Variants in S100PBP observed in about 807,000 individuals in gnomAD.
S100PBP encodes S100P binding protein, also known as S100P-binding protein.
In S100PBP, 15 loss-of-function variants were observed where a neutral mutation model predicts 39.9. The ratio of observed to expected loss-of-function variants is 0.38; its 90% confidence interval spans 0.25 to 0.58. S100PBP has a LOEUF of 0.58. S100PBP is among the 20% of genes least tolerant of loss of function. The pLI is 0.70. For missense variants in S100PBP, 504 were observed against 487.3 expected (o/e 1.03, Z -0.32); for synonymous variants, 178 against 180.3 (o/e 0.99, Z 0.10).
At chr1:32,829,541 C>G (rs1177636145) in intron 4 of S100PBP, among the ~76,000 whole-genome samples, 3 of 152,176 alleles carry the variant, frequency 2.0e-5, no homozygotes, top group Non-Finnish European at 4.4e-5. Context: ...TAGCTCACAG[C>G]AGCCTTGAAC....
chr1:32,831,844 G>C (rs1212545475), intron 5 of S100PBP, among the ~76,000 whole-genome samples: 1 of 152,062 alleles, frequency 6.6e-6, no homozygotes, highest in African/African-American at 2.4e-5. Context: ...AGTTGACACT[G>C]ATGATATCCA....
Position 32,826,240 on chromosome 1 carries a change from T to G in S100PBP, c.141T>G (p.Asp47Glu). ...TGGAGCTGTCAGAGGGAGAAGAAGA[T>G]GATGGTGATGTAAATTACACAGAGG... ...SLLELSEGEE[D>E]DGDVNYTEEE... Residue 47 changes from aspartate (D) to glutamate (E), a missense_variant, in exon 3 of 7, where the codon GAT (aspartate) becomes GAG (glutamate). Asp to Glu is a conservative substitution (Grantham distance 45). Transcript: ENST00000373475. 6.2e-7 allele frequency: 1 copy of G among 1,614,096 alleles called. No individual in the cohort carries two copies. Among genetic ancestry groups the G allele is most frequent in the Non-Finnish European group, 8.5e-7 (1 of 1,180,014 alleles).
chr1:32,835,802 T>A (rs1639792708), intron 5 of S100PBP: 1 of 152,142 alleles, frequency 6.6e-6, no homozygotes, highest in African/African-American at 2.4e-5. Context: ...CCTTCCTTTT[T>A]AAGGCTGAAT....
Position 32,826,841 on chromosome 1 carries a change from C to T in S100PBP, c.742C>T (p.Pro248Ser), listed in dbSNP as rs146571632. Residue 248 changes from proline to serine, a missense_variant, in exon 3 of 7, where the codon CCT becomes TCT. By Grantham distance (74) the Pro-to-Ser change is moderately conservative. Transcript: ENST00000373475. The part of the protein sequence containing the change: ...FSRISDHSET[P>S]NMELSCRNGG... The stretch of plus-strand genomic sequence containing the variant: ...TCGGATCTCAGACCATTCAGAGACT[C>T]CTAATATGGAGTTATCCTGCAGAAA... 147 of 1,613,802 alleles carry T rather than the reference C, an allele frequency of 9.1e-5. 2 individuals are homozygous for T. In the Admixed American group the frequency reaches 9.7e-4, roughly 11 times the overall value.
intron 5 of S100PBP, among the ~76,000 whole-genome samples, chr1:32,851,548 C>T (rs1557515052): frequency 6.6e-6 from 1 of 152,062 alleles, no homozygotes. Context: ...CGCCTGTAAT[C>T]CCAGCTACTT....
At position 32,856,277 on chromosome 1, in the gene S100PBP, G is replaced by GT. The variant is rs907888071; in HGVS notation, c.*248dup. 367 of 225,190 alleles carry GT rather than the reference G, an allele frequency of 1.6e-3. No individual in the cohort carries two copies. Among genetic ancestry groups the GT allele is most frequent in the South Asian group, 3.5e-3 (44 of 12,504 alleles). The allele number at this position is 225,190 out of a possible 1,614,324, so 13.9% of individuals were successfully genotyped here. A position where few individuals can be genotyped will look rare whatever the true frequency, so the allele number is the denominator to read the frequency against. On this transcript the variant is annotated 3_prime_UTR_variant, in exon 7 of 7. Transcript: ENST00000373475. ...TTTAAGCAAGCGTTCGGTTGGTATA[G>GT]TTTTTTTTTGTTTTTTTAATTTAAA...
chr1:32,854,180 G>T (rs1419010090), intron 6 of S100PBP, among the ~76,000 whole-genome samples: 1 of 152,068 alleles, frequency 6.6e-6, no homozygotes, highest in African/African-American at 2.4e-5. Flanking sequence ...CATAGGTTCT[G>T]CATATACAGT....
intron 5 of S100PBP, 24 bp downstream of exon 5, chr1:32,830,091 C>A (rs1326332568): frequency 1.5e-6 from 2 of 1,369,340 alleles, no homozygotes; most frequent in Non-Finnish European, 2.1e-6. Flanking sequence ...CAGAGAAAGG[C>A]ATATAAAACA....
chr1:32,817,696 A>G lies in S100PBP; in HGVS notation c.-120+7A>G. ...TTTGGCCCGGCTTCCGGAGGTGAAG[A>G]GCGGGAGGGACGAGGGGGTCGGCGT... is the stretch of plus-strand genomic sequence containing the variant. On this transcript the variant is annotated splice_region_variant and intron_variant, in intron 1 of 6. Transcript: ENST00000373475. 1 of 208,776 alleles carries G rather than the reference A, an allele frequency of 4.8e-6. No homozygotes were observed. The highest frequency in any genetic ancestry group is 1.0e-5 in the Non-Finnish European group (1 of 100,086). The allele number at this position is 208,776 out of a possible 1,614,324, so 12.9% of individuals were successfully genotyped here. A position where few individuals can be genotyped will look rare whatever the true frequency, so the allele number is the denominator to read the frequency against.
rs542081266 is a variant in S100PBP, at chr1:32,826,332, G to T, written c.233G>T (p.Gly78Val). 5.0e-6 allele frequency: 8 copies of T among 1,613,984 alleles called. No homozygotes were observed. Among genetic ancestry groups the T allele is most frequent in the Non-Finnish European group, 6.8e-6 (8 of 1,180,012 alleles). ...SYEQSSGEDD[G>V]GHVEKGERGS... ...GAGCAGTCTTCTGGGGAAGATGATG[G>T]TGGGCATGTTGAGAAGGGAGAAAGA... Residue 78 changes from glycine (G) to valine (V), a missense_variant, in exon 3 of 7, where the codon GGT (glycine) becomes GTT (valine). Coordinates refer to ENST00000373475, the MANE Select transcript of S100PBP (RefSeq NM_022753.4).
At chr1:32,852,795 C>T in intron 5 of S100PBP, 2 of 311,982 alleles carry the variant, frequency 6.4e-6, no homozygotes, top group Non-Finnish European at 1.2e-5. Context: ...GAGGTAGTGT[C>T]TTGTTCACTG....
At chr1:32,818,119 G>A (rs1336390248) in intron 1 of S100PBP, 2 of 152,730 alleles carry the variant, frequency 1.3e-5, no homozygotes, top group Non-Finnish European at 2.9e-5. Context: ...GAGATCTGAG[G>A]ACGGTGGTCC....
intron 1 of S100PBP, among the ~76,000 whole-genome samples, chr1:32,822,723 G>C (rs1007593573): frequency 2.0e-5 from 3 of 151,790 alleles, no homozygotes; most frequent in Admixed American, 2.0e-4. Flanking sequence ...CCATATATAT[G>C]GTATTGTTTT....
At chr1:32,844,523 C>G (rs932893339) in intron 5 of S100PBP, among the ~76,000 whole-genome samples, 2 of 152,180 alleles carry the variant, frequency 1.3e-5, no homozygotes, top group African/African-American at 2.4e-5. Context: ...GTCCCCCAGG[C>G]TAGAGTGCAG....
At chr1:32,822,277 C>T (rs941431917) in intron 1 of S100PBP, among the ~76,000 whole-genome samples, 1 of 152,100 alleles carries the variant, frequency 6.6e-6, no homozygotes, top group South Asian at 2.1e-4. Context: ...TATTATGTTA[C>T]TTATGTATAT....
chr1:32,831,187 T>A (rs960305888), intron 5 of S100PBP, among the ~76,000 whole-genome samples: 2 of 152,012 alleles, frequency 1.3e-5, no homozygotes, highest in East Asian at 1.9e-4. Flanking sequence ...GAAATGGAAA[T>A]GTAAAGAGGA....
At chr1:32,823,412 TA>T (rs1412149007) in intron 1 of S100PBP, among the ~76,000 whole-genome samples, 7 of 152,338 alleles carry the variant, frequency 4.6e-5, no homozygotes, top group African/African-American at 1.7e-4. Context: ...CTTCAACACC[TA>T]GAACTCTCAA....
intron 1 of S100PBP, among the ~76,000 whole-genome samples, chr1:32,821,458 G>T (rs1411177696): frequency 6.6e-6 from 1 of 151,548 alleles, no homozygotes; most frequent in South Asian, 2.1e-4. Context: ...AATAGCTGGG[G>T]TTATAGGTGC....
intron 5 of S100PBP, chr1:32,835,699 C>T (rs1639785874): frequency 6.6e-6 from 1 of 152,066 alleles, no homozygotes; most frequent in Non-Finnish European, 1.5e-5. Flanking sequence ...ATAATGTCTT[C>T]AAGATTTACC....
Sources: gnomAD v4.1 joint callset for allele counts (sites outside exome capture counted in the v4.1 genomes callset) on GRCh38, gnomAD v4.1.1 for gene constraint, MANE v1.5 for transcripts, NCBI Gene and HGNC (gene_info 2026-07-23, HGNC 2026-07-21) for gene names.